Variants in GALNTL6 observed in about 807,000 individuals in gnomAD.
The protein encoded by GALNTL6 is polypeptide N-acetylgalactosaminyltransferase-like 6.
In GALNTL6, 46 loss-of-function variants were observed where a neutral mutation model predicts 73.7. The ratio of observed to expected loss-of-function variants is 0.62; its 90% CI spans 0.49 to 0.80. The LOEUF (loss-of-function observed/expected upper bound fraction) is 0.80. GALNTL6 is among the 30% of genes least tolerant of loss of function. The pLI is 0.00. For synonymous variants in GALNTL6, 259 were observed against 263.7 expected, an observed-to-expected ratio of 0.98 and a Z score of 0.17; for missense variants, 604 against 755.0, an observed-to-expected ratio of 0.80 and a Z score of 2.34.
chr4:173,000,676 C>A (rs1752007091), intron 10 of GALNTL6, among the ~76,000 whole-genome samples: 1 of 151,992 alleles, frequency 6.6e-6, no homozygotes, highest in Non-Finnish European at 1.5e-5. Flanking sequence ...TACAGTAATC[C>A]AAAAAATGTG....
At chr4:172,620,877 T>C (rs915924523) in intron 5 of GALNTL6, among the ~76,000 whole-genome samples, 2 of 152,208 alleles carry the variant, frequency 1.3e-5, no homozygotes, top group Admixed American at 6.5e-5. Context: ...TCCTCTACTT[T>C]GTGTTCCTGA....
chr4:172,478,702 A>T (rs1579109739), intron 5 of GALNTL6, among the ~76,000 whole-genome samples: 1 of 152,242 alleles, frequency 6.6e-6, no homozygotes, highest in Non-Finnish European at 1.5e-5. Context: ...TAAATAATCA[A>T]CAGAGTAAAT....
intron 2 of GALNTL6, among the ~76,000 whole-genome samples, chr4:171,830,393 G>A (rs2110822969): frequency 6.6e-6 from 1 of 152,200 alleles, no homozygotes; most frequent in Admixed American, 6.5e-5. Context: ...AGAGTGCTTA[G>A]CATTATCTGA....
intron 10 of GALNTL6, among the ~76,000 whole-genome samples, chr4:172,966,177 C>T (rs1251937111): frequency 6.6e-6 from 1 of 152,086 alleles, no homozygotes; most frequent in Non-Finnish European, 1.5e-5. Context: ...TTTCCGGTCT[C>T]GGACATAGGA....
intron 2 of GALNTL6, among the ~76,000 whole-genome samples, chr4:171,866,393 A>T (rs1317645862): frequency 6.6e-6 from 1 of 152,160 alleles, no homozygotes; most frequent in Non-Finnish European, 1.5e-5. Context: ...TTGAAGAAAA[A>T]ATATATTTAA....
intron 5 of GALNTL6, among the ~76,000 whole-genome samples, chr4:172,753,078 T>A (rs1272555385): frequency 6.6e-6 from 1 of 152,184 alleles, no homozygotes; most frequent in Admixed American, 6.5e-5. Flanking sequence ...TGAATTGTAA[T>A]AATCCCCATG....
intron 5 of GALNTL6, among the ~76,000 whole-genome samples, chr4:172,546,809 T>TATATATATGTATATATACAC (rs1445157203): frequency 1.6e-3 from 91 of 58,088 alleles, no homozygotes; most frequent in African/African-American, 4.6e-3. Context: ...TATATATACG[T>TATATATATGTATATATACAC]ATATATATAC....
At chr4:172,629,031 T>A (rs575713408) in intron 5 of GALNTL6, among the ~76,000 whole-genome samples, 1 of 152,196 alleles carries the variant, frequency 6.6e-6, no homozygotes, top group Non-Finnish European at 1.5e-5. Context: ...GCCTTCTTGA[T>A]TTACCAAATC....
At chr4:172,647,748 A>G (rs1185259084) in intron 5 of GALNTL6, among the ~76,000 whole-genome samples, 1 of 152,068 alleles carries the variant, frequency 6.6e-6, no homozygotes, top group Non-Finnish European at 1.5e-5. Flanking sequence ...AAAATCTTCA[A>G]TCATTTCTCC....
intron 5 of GALNTL6, among the ~76,000 whole-genome samples, chr4:172,538,353 G>A (rs1735424836): frequency 6.6e-6 from 1 of 152,078 alleles, no homozygotes; most frequent in Non-Finnish European, 1.5e-5. Flanking sequence ...CCATCTACTA[G>A]GGAGGCTGAG....
At chr4:172,006,838 T>G (rs761975204) in intron 2 of GALNTL6, among the ~76,000 whole-genome samples, 16 of 152,030 alleles carry the variant, frequency 1.1e-4, no homozygotes, top group Non-Finnish European at 2.2e-4. Context: ...TACAGAAGGT[T>G]AAAATAATTT....
chr4:172,929,015 T>C (rs1222570630), intron 8 of GALNTL6, among the ~76,000 whole-genome samples: 1 of 152,192 alleles, frequency 6.6e-6, no homozygotes, highest in African/African-American at 2.4e-5. Flanking sequence ...CAGGTGTTTA[T>C]TGTTGCCTTT....
intron 2 of GALNTL6, among the ~76,000 whole-genome samples, chr4:172,057,040 A>G (rs1391122687): frequency 6.6e-6 from 1 of 152,124 alleles, no homozygotes. Context: ...CTGTTACTTC[A>G]ATCTTTAAAA....
intron 7 of GALNTL6, among the ~76,000 whole-genome samples, chr4:172,845,147 G>A (rs1223361185): frequency 6.7e-6 from 1 of 149,874 alleles, no homozygotes; most frequent in Non-Finnish European, 1.5e-5. Context: ...GAACCCAGGA[G>A]GCGGAGGTTG....
At chr4:172,061,272 A>G (rs1163291645) in intron 2 of GALNTL6, among the ~76,000 whole-genome samples, 1 of 151,956 alleles carries the variant, frequency 6.6e-6, no homozygotes, top group Non-Finnish European at 1.5e-5. Context: ...TAATATTTTA[A>G]AAATACATTT....
chr4:173,021,748 C>G, intron 12 of GALNTL6, 123 bp downstream of exon 12: 1 of 989,670 alleles, frequency 1.0e-6, no homozygotes, highest in Non-Finnish European at 1.5e-6. Flanking sequence ...AATCCTGGCA[C>G]TCTGGGAGGT....
At chr4:171,899,121 C>T (rs6553599) in intron 2 of GALNTL6, among the ~76,000 whole-genome samples, 5,166 of 48,672 alleles carry the variant, frequency 0.11, 272 homozygotes, top group African/African-American at 0.35. Flanking sequence ...GTATTAATAT[C>T]TATACAAATT....
chr4:173,019,123 G>A (rs548661047), intron 11 of GALNTL6, among the ~76,000 whole-genome samples: 1 of 152,280 alleles, frequency 6.6e-6, no homozygotes, highest in African/African-American at 2.4e-5. Context: ...TGGTAAGGGA[G>A]ACAAAGGAGT....
intron 5 of GALNTL6, among the ~76,000 whole-genome samples, chr4:172,375,665 A>G (rs1320138789): frequency 6.6e-6 from 1 of 152,186 alleles, no homozygotes; most frequent in Non-Finnish European, 1.5e-5. Flanking sequence ...CAGCAGAAAC[A>G]CTAGTTTTCA....
Sources: allele counts gnomAD v4.1 joint callset (sites outside exome capture counted in the v4.1 genomes callset), GRCh38; gene constraint gnomAD v4.1.1; transcripts MANE v1.5; gene names NCBI Gene and HGNC (gene_info 2026-07-23, HGNC 2026-07-21).